Variants in ATP5MK observed in about 807,000 individuals in gnomAD.
ATP5MK encodes ATP synthase F(0) complex subunit k, mitochondrial.
A neutral mutation model predicts 6.6 loss-of-function variants in ATP5MK; 5 were observed. The ratio of observed to expected loss-of-function variants is 0.76; its 90% CI spans 0.40 to 1.60. The LOEUF is 1.60. Ranked by LOEUF, ATP5MK falls within the 40% of genes most tolerant of loss-of-function variation. The probability of loss-of-function intolerance (pLI) is 0.02; values close to 1 mark genes in which losing one functional copy is unlikely to be tolerated. For synonymous variants in ATP5MK, 30 were observed against 24.5 expected (o/e 1.22, Z -0.66); for missense variants, 57 against 66.6 (o/e 0.86, Z 0.50).
Position 103,389,065 on chromosome 10 carries a change from A to G in ATP5MK, c.*105T>C, listed in dbSNP as rs1199998332. 6.6e-6 allele frequency: 1 copy of G among 152,634 alleles called. No individual in the cohort carries two copies. Among genetic ancestry groups the G allele is most frequent in the Admixed American group, 6.5e-5 (1 of 15,272 alleles). The allele number at this position is 152,634 out of a possible 1,614,324, so 9.5% of individuals were successfully genotyped here. A position where few individuals can be genotyped will look rare whatever the true frequency, so the allele number is the denominator to read the frequency against. On this transcript the variant is annotated 3_prime_UTR_variant, in exon 5 of 5. Coordinates refer to ENST00000369815, the MANE Select transcript of ATP5MK (RefSeq NM_001206427.2). ...GACAACCAGCTTTTCCAGGTTCATA[A>G]TTTATTGTACAAATTGAATTATCAC...
In ATP5MK at chr10:103,392,471, T is replaced by TA. The variant is rs773160118; in HGVS notation, c.-9-6dup. 1.3e-6 allele frequency: 2 copies of TA among 1,571,252 alleles called. No individual in the cohort carries two copies. Among genetic ancestry groups the TA allele is most frequent in the Admixed American group, 2.1e-5 (1 of 48,394 alleles). ...TGGACCTGCCATGATTTCAATCTTT[T>TA]AAAAAAAGAAAGAAAGCAACATTAA... is the stretch of plus-strand genomic sequence containing the variant. On this transcript the variant is annotated splice_region_variant and splice_polypyrimidine_tract_variant and intron_variant, in intron 2 of 4. Coordinates refer to ENST00000369815, the MANE Select transcript of ATP5MK (RefSeq NM_001206427.2).
In ATP5MK at chr10:103,392,434, C is replaced by T. The variant is rs370134778; in HGVS notation, c.24G>A (p.Ala8=). MAGPESD[A]QYQFTGIKKY... is the part of the protein sequence containing the mutation. ...TTTTAATACCAGTGAACTGGTATTG[C>T]GCATCACTTTCTGGACCTGCCATGA... Residue 8 remains alanine, a synonymous_variant, in exon 3 of 5, where the codon GCG becomes GCA. Transcript: ENST00000369815. The T allele has an allele frequency of 1.4e-5, 23 of 1,603,178 alleles. No individual in the cohort carries two copies. Among genetic ancestry groups the T allele is most frequent in the South Asian group, 9.1e-5 (8 of 88,264 alleles).
At chr10:103,393,742 A>C (rs1371966768) in intron 2 of ATP5MK, among the ~76,000 whole-genome samples, 1 of 152,162 alleles carries the variant, frequency 6.6e-6, no homozygotes, top group Non-Finnish European at 1.5e-5. Context: ...CAAAGTGGAA[A>C]CACATTGTGT....
chr10:103,390,347 A>T (rs1190573506), intron 4 of ATP5MK, among the ~76,000 whole-genome samples: 10 of 152,088 alleles, frequency 6.6e-5, no homozygotes, highest in Non-Finnish European at 1.5e-4. Flanking sequence ...TACAAAAATT[A>T]ACTGGGTGTG....
In ATP5MK at chr10:103,392,285, TGAGA is replaced by T; in HGVS notation, c.88-6_88-3del. 2 of 1,606,196 alleles carry T rather than the reference TGAGA, an allele frequency of 1.2e-6. No individual in the cohort carries two copies. Among genetic ancestry groups the T allele is most frequent in the African/African-American group, 1.3e-5 (1 of 74,454 alleles). On this transcript the variant is annotated splice_region_variant and splice_polypyrimidine_tract_variant and intron_variant, in intron 3 of 4. Transcript: ENST00000369815. ...GCTTCCATATGTGGCCAGTACACAC[TGAGA>T]AAGAAAGAAAAAAGTAAACAAGACT...
chr10:103,394,194 A>G (rs2093423050), intron 2 of ATP5MK: 2 of 483,484 alleles, frequency 4.1e-6, no homozygotes, highest in Non-Finnish European at 4.5e-6. Flanking sequence ...CTTAATCTAT[A>G]GTACCTGTGT....
rs778314908 is a variant in ATP5MK at position 103,392,242 on chromosome 10, T to C, written c.129A>G (p.Leu43=). ...ATYGSIALIV[L]YFKLRSKKTP... ...TTTTTTTGGACCTTAACTTGAAATA[T>C]AAGACAATCAATGCAATGCTTCCAT... Residue 43 remains leucine, a synonymous_variant, in exon 4 of 5, where the codon TTA becomes TTG. Transcript: ENST00000369815. The C allele has an allele frequency of 1.9e-5, 31 of 1,613,606 alleles. No individual in the cohort carries two copies. Among genetic ancestry groups the C allele is most frequent in the Non-Finnish European group, 2.3e-5 (27 of 1,179,910 alleles).
intron 4 of ATP5MK, among the ~76,000 whole-genome samples, chr10:103,389,649 T>G (rs1333271569): frequency 2.6e-5 from 4 of 151,976 alleles, no homozygotes; most frequent in Admixed American, 2.6e-4. Context: ...TAACCTAACA[T>G]TCCACCTTTA....
chr10:103,391,696 TG>T (rs1317862280), intron 4 of ATP5MK, among the ~76,000 whole-genome samples: 1 of 152,116 alleles, frequency 6.6e-6, no homozygotes, highest in African/African-American at 2.4e-5. Context: ...TTAGTAGAGA[TG>T]GGGTTTCACC....
chr10:103,395,594 G>C (rs2093430547), intron 2 of ATP5MK, among the ~76,000 whole-genome samples, 152 bp downstream of exon 2: 1 of 152,194 alleles, frequency 6.6e-6, no homozygotes, highest in African/African-American at 2.4e-5. Context: ...CACCGCGCCC[G>C]GCCACTAACT....
At chr10:103,393,783 A>C (rs1433729236) in intron 2 of ATP5MK, among the ~76,000 whole-genome samples, 2 of 152,228 alleles carry the variant, frequency 1.3e-5, no homozygotes, top group African/African-American at 4.8e-5. Flanking sequence ...AATACTGTTT[A>C]TGAAAATCTT....
chr10:103,394,341 A>T, intron 2 of ATP5MK: 1 of 533,356 alleles, frequency 1.9e-6, no homozygotes. Context: ...AACACAGACG[A>T]GCCGGTCGAG....
Position 103,391,448 on chromosome 10 carries a change from G to C in ATP5MK, c.*3+743C>G, listed in dbSNP as rs1433613014. Among the ~76,000 whole-genome samples, 6 of 152,088 alleles carry C rather than the reference G, an allele frequency of 3.9e-5. No homozygotes were observed. The East Asian group carries it at 1.2e-3, about 29-fold the overall frequency. The stretch of plus-strand genomic sequence containing the variant: ...ATTACAGACGTGATCATAGTCACTG[G>C]AAACCAAACAAAATACATGTAACAA... On this transcript the variant is annotated intron_variant, in intron 4 of 4. Coordinates refer to ENST00000369815, the MANE Select transcript of ATP5MK (RefSeq NM_001206427.2).
At chr10:103,390,969 T>C (rs945614313) in intron 4 of ATP5MK, among the ~76,000 whole-genome samples, 3 of 152,068 alleles carry the variant, frequency 2.0e-5, no homozygotes, top group African/African-American at 7.2e-5. Flanking sequence ...TACATAAACA[T>C]TGGAAACAAA....
At chr10:103,391,806 C>A (rs2093415272) in intron 4 of ATP5MK, among the ~76,000 whole-genome samples, 1 of 151,868 alleles carries the variant, frequency 6.6e-6, no homozygotes, top group African/African-American at 2.4e-5. Context: ...CTGCACCCAG[C>A]CTCTTTTTCT....
At chr10:103,390,606 C>T (rs1352445382) in intron 4 of ATP5MK, among the ~76,000 whole-genome samples, 5 of 152,084 alleles carry the variant, frequency 3.3e-5, no homozygotes, top group Non-Finnish European at 5.9e-5. Context: ...CTGACCAACA[C>T]GGTGAAACCC....
At chr10:103,394,760 C>A (rs1437795018) in intron 2 of ATP5MK, among the ~76,000 whole-genome samples, 1 of 134,532 alleles carries the variant, frequency 7.4e-6, no homozygotes, top group East Asian at 2.6e-4. Flanking sequence ...CCCGCCCCCC[C>A]ACCAGCTCCA....
At chr10:103,393,523 T>A (rs887893064) in intron 2 of ATP5MK, among the ~76,000 whole-genome samples, 1 of 150,258 alleles carries the variant, frequency 6.7e-6, no homozygotes, top group South Asian at 2.1e-4. Flanking sequence ...GAGCTTGCAG[T>A]GAGCCTAGAT....
At chr10:103,391,242 A>T (rs566673822) in intron 4 of ATP5MK, among the ~76,000 whole-genome samples, 1 of 152,222 alleles carries the variant, frequency 6.6e-6, no homozygotes, top group African/African-American at 2.4e-5. Flanking sequence ...TGGGTACCTC[A>T]TAATTGGGAA....
Sources: allele counts gnomAD v4.1 joint callset (sites outside exome capture counted in the v4.1 genomes callset), GRCh38; gene constraint gnomAD v4.1.1; transcripts MANE v1.5; gene names NCBI Gene and HGNC (gene_info 2026-07-23, HGNC 2026-07-21).